The following ZNF407 variants were observed in gnomAD, a reference collection of about 807,000 sequenced individuals.
ZNF407 encodes the protein zinc finger protein 407.
Under a neutral mutation model 131.2 loss-of-function variants are expected in ZNF407, and 17 were observed. The observed-to-expected ratio is 0.13, with a 90% CI of 0.09 to 0.19. ZNF407 has a LOEUF of 0.19. Among genes scored for constraint, ZNF407 ranks in the 10% least tolerant of loss-of-function variants. The pLI is 1.00. For synonymous variants in ZNF407, 1,156 were observed against 1,062.0 expected (o/e 1.09, Z -1.72); for missense variants, 2,681 against 2,830.6 (o/e 0.95, Z 1.20).
At chr18:74,699,326 A>G (rs1424130648) in intron 3 of ZNF407, among the ~76,000 whole-genome samples, 4 of 152,178 alleles carry the variant, frequency 2.6e-5, no homozygotes, top group Non-Finnish European at 4.4e-5. Flanking sequence ...CCTCATTTTT[A>G]TGAAAACATT....
intron 3 of ZNF407, among the ~76,000 whole-genome samples, chr18:74,658,452 A>G (rs1370843190): frequency 6.6e-6 from 1 of 152,082 alleles, no homozygotes; most frequent in Non-Finnish European, 1.5e-5. Context: ...AGTAGATGTC[A>G]TATATTTTCC....
intron 8 of ZNF407, among the ~76,000 whole-genome samples, chr18:74,993,211 A>G (rs939741512): frequency 2.0e-5 from 3 of 152,228 alleles, no homozygotes; most frequent in Non-Finnish European, 4.4e-5. Flanking sequence ...TGATAGTTCT[A>G]TATGTTTATA....
intron 8 of ZNF407, among the ~76,000 whole-genome samples, chr18:74,961,626 G>A (rs1272872556): frequency 6.6e-6 from 1 of 151,800 alleles, no homozygotes; most frequent in Non-Finnish European, 1.5e-5. Context: ...AGGCTGAGGT[G>A]GAAGGATCAT....
At chr18:74,985,620 T>G (rs1361575767) in intron 8 of ZNF407, among the ~76,000 whole-genome samples, 2 of 152,184 alleles carry the variant, frequency 1.3e-5, no homozygotes, top group African/African-American at 4.8e-5. Flanking sequence ...TGGCTCTAAA[T>G]CATTCCATTC....
At chr18:74,799,132 A>G (rs1236806547) in intron 4 of ZNF407, among the ~76,000 whole-genome samples, 1 of 152,120 alleles carries the variant, frequency 6.6e-6, no homozygotes, top group Non-Finnish European at 1.5e-5. Flanking sequence ...TTTTAGGTTG[A>G]CTAATATTGT....
intron 3 of ZNF407, among the ~76,000 whole-genome samples, chr18:74,740,534 AC>A (rs1193414717): frequency 4.6e-5 from 7 of 152,194 alleles, no homozygotes; most frequent in Non-Finnish European, 1.0e-4. Context: ...AGTCCAAAGT[AC>A]TAGAAAGAAA....
At chr18:74,680,534 A>G (rs1966958842) in intron 3 of ZNF407, among the ~76,000 whole-genome samples, 1 of 152,180 alleles carries the variant, frequency 6.6e-6, no homozygotes, top group African/African-American at 2.4e-5. Flanking sequence ...GAAAGTGAAA[A>G]GTGCTTATTG....
intron 4 of ZNF407, among the ~76,000 whole-genome samples, chr18:74,795,867 C>T (rs1969909071): frequency 6.6e-6 from 1 of 152,212 alleles, no homozygotes; most frequent in African/African-American, 2.4e-5. Context: ...AAGTCACATG[C>T]AAAAGCAATG....
intron 6 of ZNF407, among the ~76,000 whole-genome samples, chr18:74,881,468 G>A (rs1971237300): frequency 6.6e-6 from 1 of 152,052 alleles, no homozygotes; most frequent in Non-Finnish European, 1.5e-5. Flanking sequence ...GGGAGTCTTT[G>A]TCAACCAGTC....
intron 4 of ZNF407, among the ~76,000 whole-genome samples, chr18:74,790,672 T>C (rs1327549315): frequency 6.6e-6 from 1 of 152,220 alleles, no homozygotes; most frequent in Non-Finnish European, 1.5e-5. Flanking sequence ...AACAAAGGCC[T>C]ATATGTTCAC....
intron 3 of ZNF407, among the ~76,000 whole-genome samples, chr18:74,657,439 T>C (rs952600630): frequency 2.6e-5 from 4 of 152,166 alleles, no homozygotes; most frequent in African/African-American, 9.6e-5. Context: ...CATTATTGTG[T>C]AGGGAAAAAA....
chr18:74,837,722 C>T (rs1970577637), intron 4 of ZNF407, among the ~76,000 whole-genome samples: 1 of 151,992 alleles, frequency 6.6e-6, no homozygotes, highest in Non-Finnish European at 1.5e-5. Flanking sequence ...TGCCTAATCT[C>T]GTTCACTGCA....
chr18:74,809,654 G>A (rs941641034), intron 4 of ZNF407, among the ~76,000 whole-genome samples: 4 of 152,178 alleles, frequency 2.6e-5, no homozygotes, highest in Admixed American at 6.5e-5. Context: ...GCTTTCTTAG[G>A]CTTATCGATA....
At chr18:74,711,561 A>G (rs1379129071) in intron 3 of ZNF407, among the ~76,000 whole-genome samples, 1 of 152,180 alleles carries the variant, frequency 6.6e-6, no homozygotes, top group Non-Finnish European at 1.5e-5. Context: ...AGTCTTACTG[A>G]CACCTTGATT....
At chr18:74,828,735 G>A (rs993798493) in intron 4 of ZNF407, among the ~76,000 whole-genome samples, 4 of 129,392 alleles carry the variant, frequency 3.1e-5, no homozygotes, top group Admixed American at 7.8e-5. Context: ...CATGTGTCTC[G>A]TTGCACTCTT....
At chr18:74,648,877 A>G (rs1013662916) in intron 3 of ZNF407, among the ~76,000 whole-genome samples, 6 of 152,182 alleles carry the variant, frequency 3.9e-5, no homozygotes. Context: ...ACTGTGTAGT[A>G]ATCTACTTAC....
intron 4 of ZNF407, among the ~76,000 whole-genome samples, chr18:74,805,545 T>G (rs1414577348): frequency 6.6e-6 from 1 of 152,230 alleles, no homozygotes; most frequent in Non-Finnish European, 1.5e-5. Flanking sequence ...ATAATTATCT[T>G]TTGTTTTCCC....
intron 8 of ZNF407, among the ~76,000 whole-genome samples, chr18:75,012,286 T>TACACATAGTGTAC (rs1568300415): frequency 3.5e-4 from 39 of 111,216 alleles, no homozygotes; most frequent in Non-Finnish European, 4.6e-4. Context: ...ACATAGTGTA[T>TACACATAGTGTAC]GTACACATAG....
intron 3 of ZNF407, among the ~76,000 whole-genome samples, chr18:74,672,435 C>T (rs1240237013): frequency 2.7e-5 from 4 of 150,494 alleles, no homozygotes; most frequent in Non-Finnish European, 5.9e-5. Context: ...TCCGTTGGAG[C>T]ACTGTTTGTC....
Sources: gnomAD v4.1 joint callset for allele counts (sites outside exome capture counted in the v4.1 genomes callset) on GRCh38, gnomAD v4.1.1 for gene constraint, MANE v1.5 for transcripts, NCBI Gene and HGNC (gene_info 2026-07-23, HGNC 2026-07-21) for gene names.